Variants in DRGX observed in about 807,000 individuals in gnomAD.
DRGX encodes the protein dorsal root ganglia homeobox.
In DRGX, 21 loss-of-function variants were observed where a neutral mutation model predicts 28.6. The observed-to-expected ratio is 0.73, with a 90% CI of 0.52 to 1.06. DRGX has a LOEUF of 1.06. Among genes scored for constraint, DRGX ranks in the 50% least tolerant of loss-of-function variants. DRGX has a pLI of 0.00. For synonymous variants in DRGX, 136 were observed against 139.1 expected, an observed-to-expected ratio of 0.98 and a Z score of 0.16; for missense variants, 354 against 343.9, an observed-to-expected ratio of 1.03 and a Z score of -0.23.
chr10:49,395,299 C>A, intron 2 of DRGX, 108 bp downstream of exon 2: 2 of 1,370,224 alleles, frequency 1.5e-6, no homozygotes, highest in Admixed American at 2.1e-5. Context: ...CAGGCGGCTG[C>A]GCCCCCCGCA....
chr10:49,374,295 T>C (rs1849694830), intron 6 of DRGX, among the ~76,000 whole-genome samples: 1 of 152,216 alleles, frequency 6.6e-6, no homozygotes, highest in South Asian at 2.1e-4. Context: ...GGCCTCCGCC[T>C]GCACTCAGGG....
rs1336767440 is a variant in DRGX at position 49,391,183 on chromosome 10, G to A, written c.113C>T (p.Thr38Met). The A allele has an allele frequency of 1.1e-5, 17 of 1,613,234 alleles. No individual in the cohort carries two copies. The highest frequency in any genetic ancestry group is 1.4e-5 in the Non-Finnish European group (16 of 1,179,658). Reference protein sequence around the residue: ...FLRRKQRRNRTTFTLQQLEAL... With the variant: ...FLRRKQRRNRMTFTLQQLEAL... ...TGGTACCTGCTGAAGAGTGAACGTC[G>A]TCCGGTTCCGGCGCTGTTTTCTACG... Residue 38 changes from threonine to methionine, a missense_variant, in exon 3 of 7, where the codon ACG becomes ATG. Transcript: ENST00000374139.
At chr10:49,380,178 C>T (rs924090719) in intron 6 of DRGX, among the ~76,000 whole-genome samples, 11 of 152,210 alleles carry the variant, frequency 7.2e-5, no homozygotes, top group African/African-American at 2.2e-4. Context: ...GGCTGTGACT[C>T]CTGCAGCATG....
At chr10:49,368,506 C>A (rs892028217) in intron 6 of DRGX, among the ~76,000 whole-genome samples, 1 of 152,246 alleles carries the variant, frequency 6.6e-6, no homozygotes, top group African/African-American at 2.4e-5. Context: ...CTTACACAGG[C>A]ATAGCCACAC....
Position 49,395,423 on chromosome 10 carries a change from G to T in DRGX, c.18C>A (p.Cys6Ter). ...CTTACTTACCCTCTAGCTGTGGCGG[G>T]CAGTGGAAATAAAACATCGCCGGCT... MFYFH[C>*]PPQLEGTATF... The change falls in exon 2 of 7, where the codon TGC (cysteine) becomes TGA (stop). Residue 6 changes from cysteine to a stop codon, truncating the protein, a stop_gained. Coordinates refer to ENST00000374139, the MANE Select transcript of DRGX (RefSeq NM_001276451.2). LOFTEE classifies it high-confidence loss of function. The T allele has an allele frequency of 6.5e-7, 1 of 1,550,324 alleles. No individual in the cohort carries two copies. Among genetic ancestry groups the T allele is most frequent in the Non-Finnish European group, 8.7e-7 (1 of 1,146,908 alleles).
At chr10:49,370,217 C>A (rs1849644366) in intron 6 of DRGX, among the ~76,000 whole-genome samples, 1 of 152,064 alleles carries the variant, frequency 6.6e-6, no homozygotes, top group Non-Finnish European at 1.5e-5. Flanking sequence ...CCAGCCTGAC[C>A]AATATGGTGA....
Position 49,391,837 on chromosome 10 carries a change from G to A in DRGX, c.35-576C>T, listed in dbSNP as rs755373004. On this transcript the variant is annotated intron_variant, in intron 2 of 6. Coordinates refer to ENST00000374139, the MANE Select transcript of DRGX (RefSeq NM_001276451.2). Reference sequence around the variant, plus strand: ...AGTTTATAAATGAATATTAATTACCGTTGGTCACAGCTCATCAGCACCATA... The same window carrying A: ...AGTTTATAAATGAATATTAATTACCATTGGTCACAGCTCATCAGCACCATA... 12 of 524,764 alleles carry A rather than the reference G, an allele frequency of 2.3e-5. 1 individual carries two copies. Among genetic ancestry groups the A allele is most frequent in the East Asian group, 5.5e-5 (1 of 18,188 alleles). 32.5% of individuals were successfully genotyped at this position (524,764 alleles called of 1,614,324 possible).
intron 4 of DRGX, among the ~76,000 whole-genome samples, chr10:49,387,558 G>A (rs1345236836): frequency 1.3e-5 from 2 of 151,736 alleles, no homozygotes; most frequent in Admixed American, 1.3e-4. Flanking sequence ...AGCTATTCAG[G>A]AGGCTGAGGC....
At chr10:49,394,456 G>C (rs532945359) in intron 2 of DRGX, among the ~76,000 whole-genome samples, 1 of 152,268 alleles carries the variant, frequency 6.6e-6, no homozygotes, top group South Asian at 2.1e-4. Context: ...AATCAAACGA[G>C]TAGGTTGCCA....
intron 6 of DRGX, among the ~76,000 whole-genome samples, chr10:49,383,786 AG>A (rs1849802943): frequency 6.6e-6 from 1 of 152,180 alleles, no homozygotes; most frequent in Non-Finnish European, 1.5e-5. Flanking sequence ...CCCAGAAGAG[AG>A]CCCTCACTAG....
intron 6 of DRGX, among the ~76,000 whole-genome samples, chr10:49,367,598 G>A (rs1849614389): frequency 6.6e-6 from 1 of 152,176 alleles, no homozygotes; most frequent in South Asian, 2.1e-4. Context: ...AATTTGGAAA[G>A]TGCTTAGTGT....
At position 49,365,862 on chromosome 10, in the gene DRGX, G is replaced by C. The variant is rs1849592075; in HGVS notation, c.*254C>G. The C allele has an allele frequency of 1.4e-5, 5 of 369,520 alleles. No homozygotes were observed. The highest frequency in any genetic ancestry group is 4.6e-5 in the Admixed American group (1 of 21,786). The allele number at this position is 369,520 out of a possible 1,614,324, so 22.9% of individuals were successfully genotyped here. A position where few individuals can be genotyped will look rare whatever the true frequency, so the allele number is the denominator to read the frequency against. On this transcript the variant is annotated 3_prime_UTR_variant, in exon 7 of 7. Transcript: ENST00000374139. ...AAATCCCAGGGAGGCTCCTCACAGA[G>C]AGGGCTCTGCTGCCACCAAGTGCCA...
chr10:49,382,699 A>T (rs1308920303), intron 6 of DRGX, among the ~76,000 whole-genome samples: 3 of 151,584 alleles, frequency 2.0e-5, no homozygotes, highest in Non-Finnish European at 2.9e-5. Context: ...ACCTCTGGGC[A>T]CTCTCCCATA....
intron 2 of DRGX, 42 bp downstream of exon 2, chr10:49,395,365 G>C: frequency 6.5e-7 from 1 of 1,548,670 alleles, no homozygotes; most frequent in South Asian, 1.2e-5. Flanking sequence ...TTTCTGGCCG[G>C]CTCTGGCTTC....
intron 6 of DRGX, among the ~76,000 whole-genome samples, chr10:49,370,901 C>T (rs927285210): frequency 2.0e-5 from 3 of 152,190 alleles, no homozygotes; most frequent in African/African-American, 7.2e-5. Flanking sequence ...GTTGCCTTAA[C>T]AGAGGCAGAA....
Position 49,374,335 on chromosome 10 carries a change from C to T in DRGX, c.527-7954G>A, listed in dbSNP as rs74326934. 3.6e-3 allele frequency among the ~76,000 whole-genome samples: 545 copies of T among 152,222 alleles called. 3 individuals carry two copies. The highest frequency in any genetic ancestry group is 0.013 in the African/African-American group (529 of 41,532). On this transcript the variant is annotated intron_variant, in intron 6 of 6. Coordinates refer to ENST00000374139, the MANE Select transcript of DRGX (RefSeq NM_001276451.2). ...GACAGCAAACATGGGGCTGAGGGTG[C>T]GCCATGAGATTCACCAGCAACCTTC...
At chr10:49,368,336 G>A (rs764743752) in intron 6 of DRGX, among the ~76,000 whole-genome samples, 2 of 152,362 alleles carry the variant, frequency 1.3e-5, no homozygotes, top group East Asian at 1.9e-4. Context: ...GACTGATCCC[G>A]TAGGCAGCAG....
chr10:49,390,300 T>C, intron 3 of DRGX, 66 bp from the exon 4 acceptor site: 2 of 1,372,814 alleles, frequency 1.5e-6, no homozygotes, highest in East Asian at 2.5e-5. Flanking sequence ...CAGATGCATA[T>C]TTCAAATCTC....
At chr10:49,395,303 C>T in intron 2 of DRGX, 104 bp downstream of exon 2, 2 of 1,428,834 alleles carry the variant, frequency 1.4e-6, no homozygotes, top group Non-Finnish European at 1.9e-6. Flanking sequence ...CGGCTGCGCC[C>T]CCCGCAGGGC....
Sources: allele counts gnomAD v4.1 joint callset (sites outside exome capture counted in the v4.1 genomes callset), GRCh38; gene constraint gnomAD v4.1.1; transcripts MANE v1.5; gene names NCBI Gene and HGNC (gene_info 2026-07-23, HGNC 2026-07-21).